The following ROS1 variants were observed in gnomAD, a reference collection of about 807,000 sequenced individuals.
ROS1 encodes proto-oncogene tyrosine-protein kinase ROS.
In ROS1, 263 loss-of-function variants were observed where a neutral mutation model predicts 273.5. The observed-to-expected ratio is 0.96, with a 90% CI of 0.87 to 1.06. The LOEUF is 1.06. ROS1 is among the 50% of genes least tolerant of loss of function. The pLI is 0.00. For missense variants in ROS1, 2,833 were observed against 2,751.1 expected (o/e 1.03, Z -0.67); for synonymous variants, 1,008 against 954.1 (o/e 1.06, Z -1.04).
chr6:117,322,628 C>T (rs545553586), intron 35 of ROS1, among the ~76,000 whole-genome samples: 5 of 152,322 alleles, frequency 3.3e-5, no homozygotes, highest in African/African-American at 9.6e-5. Flanking sequence ...AGGCTGTCAA[C>T]ACTCATTTTA....
chr6:117,352,778 CCACCA>C (rs2128637342), intron 27 of ROS1, among the ~76,000 whole-genome samples: 1 of 152,228 alleles, frequency 6.6e-6, no homozygotes, highest in East Asian at 1.9e-4. Context: ...CTAAAGTTGC[CCACCA>C]CACCCTGAGC....
At chr6:117,343,785 C>A (rs1392814510) in intron 28 of ROS1, among the ~76,000 whole-genome samples, 1 of 152,126 alleles carries the variant, frequency 6.6e-6, no homozygotes, top group Non-Finnish European at 1.5e-5. Context: ...ATTAGATAAT[C>A]AGGGAGGGGA....
At chr6:117,291,839 T>C (rs1230275065) in intron 43 of ROS1, among the ~76,000 whole-genome samples, 1 of 152,188 alleles carries the variant, frequency 6.6e-6, no homozygotes, top group African/African-American at 2.4e-5. Context: ...ATAGATGAAC[T>C]ATGCAATGCA....
At chr6:117,301,310 A>T (rs974311733) in intron 42 of ROS1, 173 bp from the exon 43 acceptor site, 6 of 505,144 alleles carry the variant, frequency 1.2e-5, no homozygotes, top group African/African-American at 6.0e-5. Context: ...GGCTTTTAAC[A>T]TTACTACGTT....
At chr6:117,360,649 G>C (rs62430837) in intron 22 of ROS1, among the ~76,000 whole-genome samples, 4 of 152,024 alleles carry the variant, frequency 2.6e-5, no homozygotes, top group Non-Finnish European at 5.9e-5. Flanking sequence ...AATCTCTCTT[G>C]CTAAAAAATG....
At position 117,389,584 on chromosome 6, in the gene ROS1, A is replaced by G. The variant is rs1463033775; in HGVS notation, c.1552T>C (p.Phe518Leu). 1 of 1,614,236 alleles carries G rather than the reference A, an allele frequency of 6.2e-7. No homozygotes were observed. The highest frequency in any genetic ancestry group is 1.7e-5 in the Admixed American group (1 of 60,026). ...VKSFACENNDFLVTDGKVIFQ... is the reference protein window; with the variant it reads ...VKSFACENNDLLVTDGKVIFQ... ...ATGACCTTGCCATCTGTGACAAGAA[A>G]GTCATTGTTTTCACAAGCAAAACTT... The change falls in exon 13 of 44, where the codon TTT becomes CTT. Residue 518 changes from phenylalanine (F) to leucine (L), a missense_variant. By Grantham distance (22) the Phe-to-Leu change is conservative. Transcript: ENST00000368507.
rs373569895 is a variant in ROS1, at chr6:117,376,922, A to G, written c.2582+2137T>C. On this transcript the variant is annotated intron_variant, in intron 18 of 43. Coordinates refer to ENST00000368507, the MANE Select transcript of ROS1 (RefSeq NM_001378902.1). ...TAAAATCTATTTGGAAAGGCAAAAG[A>G]TCAAGTATAGCCAAAATAAAAATAT... 3.3e-5 allele frequency among the ~76,000 whole-genome samples: 5 copies of G among 152,334 alleles called. No individual in the cohort carries two copies. The South Asian group carries it at 1.0e-3, about 32-fold the overall frequency.
intron 14 of ROS1, among the ~76,000 whole-genome samples, 164 bp from the exon 15 acceptor site, chr6:117,387,163 C>T (rs1472003571): frequency 1.3e-5 from 2 of 152,182 alleles, no homozygotes; most frequent in African/African-American, 2.4e-5. Context: ...TAATTGTTAT[C>T]TGTGTAACAA....
chr6:117,287,628 G>A lies in ROS1; in HGVS notation c.*864C>T, dbSNP rs757559585. Among the ~76,000 whole-genome samples the A allele has an allele frequency of 2.0e-5, 3 of 152,104 alleles. No homozygotes were observed. The highest frequency in any genetic ancestry group is 4.4e-5 in the Non-Finnish European group (3 of 68,016). Reference sequence around the variant, plus strand: ...AAAATATTTTACAGTAGTGATTAAAGACAATATATATCGGCTAGGCATGGT... The same window carrying A: ...AAAATATTTTACAGTAGTGATTAAAAACAATATATATCGGCTAGGCATGGT... On this transcript the variant is annotated 3_prime_UTR_variant, in exon 44 of 44. Coordinates refer to ENST00000368507, the MANE Select transcript of ROS1 (RefSeq NM_001378902.1).
At chr6:117,424,319 CAT>C (rs143179202) in intron 1 of ROS1, among the ~76,000 whole-genome samples, 15,276 of 150,716 alleles carry the variant, frequency 0.1, 865 homozygotes, top group Non-Finnish European at 0.12. Context: ...TATATGTATA[CAT>C]ATATATATAT....
At chr6:117,418,317 T>G in intron 2 of ROS1, 145 bp downstream of exon 2, 1 of 640,100 alleles carries the variant, frequency 1.6e-6, no homozygotes, top group East Asian at 3.1e-5. Context: ...AAATTCAGAC[T>G]TCTCATTATT....
chr6:117,392,863 G>A (rs889137446), intron 12 of ROS1, among the ~76,000 whole-genome samples: 1 of 152,146 alleles, frequency 6.6e-6, no homozygotes, highest in Non-Finnish European at 1.5e-5. Context: ...GTGGAATGAA[G>A]GGGCTTTATC....
intron 26 of ROS1, among the ~76,000 whole-genome samples, chr6:117,353,713 C>G (rs76276210): frequency 6.6e-6 from 1 of 152,050 alleles, no homozygotes; most frequent in Non-Finnish European, 1.5e-5. Context: ...AAATTTGATA[C>G]GAACAAATGT....
At chr6:117,319,787 A>G (rs1776157733) in intron 37 of ROS1, 81 bp downstream of exon 37, 11 of 1,302,264 alleles carry the variant, frequency 8.4e-6, no homozygotes, top group Admixed American at 2.0e-5. Context: ...AGAGCACTCA[A>G]CTTTTATTAT....
chr6:117,404,544 C>A, intron 5 of ROS1, 116 bp from the exon 6 acceptor site: 2 of 840,754 alleles, frequency 2.4e-6, no homozygotes, highest in Middle Eastern at 6.0e-4. Context: ...CATCTTGCCA[C>A]AATAACTCAC....
At chr6:117,323,013 CTCCT>C (rs1430729531) in intron 35 of ROS1, among the ~76,000 whole-genome samples, 1 of 152,148 alleles carries the variant, frequency 6.6e-6, no homozygotes, top group East Asian at 1.9e-4. Context: ...TCATGTAATT[CTCCT>C]TCCCAGTAGG....
At chr6:117,369,601 T>C (rs1054453397) in intron 18 of ROS1, among the ~76,000 whole-genome samples, 2 of 152,090 alleles carry the variant, frequency 1.3e-5, no homozygotes, top group Non-Finnish European at 2.9e-5. Flanking sequence ...CTCTCTGGCA[T>C]ATACAGACAC....
chr6:117,404,904 G>T (rs965528837), intron 5 of ROS1, among the ~76,000 whole-genome samples: 3 of 152,138 alleles, frequency 2.0e-5, no homozygotes, highest in Non-Finnish European at 4.4e-5. Flanking sequence ...CAGAGCAATT[G>T]CCTTTACTCC....
Position 117,379,119 on chromosome 6 carries a change from T to G in ROS1, c.2522A>C (p.Tyr841Ser), listed in dbSNP as rs201920657. ...ACATTGACTGTCTTGAACCAACCAA[T>G]ACAGGAGCCCATCACTGAGGTCTAA... ...LTLDLSDGLL[Y>S]WLVQDSQCIH... Residue 841 changes from tyrosine (Y) to serine (S), a missense_variant, in exon 18 of 44, where the codon TAT (tyrosine) becomes TCT (serine). Physicochemically the swap from Tyr to Ser is moderately radical, Grantham distance 144 (BLOSUM62 -2). Coordinates refer to ENST00000368507, the MANE Select transcript of ROS1 (RefSeq NM_001378902.1). 2 of 1,613,228 alleles carry G rather than the reference T, an allele frequency of 1.2e-6. No individual in the cohort carries two copies. Among genetic ancestry groups the G allele is most frequent in the East Asian group, 4.5e-5 (2 of 44,852 alleles).
Sources: allele counts gnomAD v4.1 joint callset (sites outside exome capture counted in the v4.1 genomes callset), GRCh38; gene constraint gnomAD v4.1.1; transcripts MANE v1.5; gene names NCBI Gene and HGNC (gene_info 2026-07-23, HGNC 2026-07-21).